Variants in ATOSA observed in about 807,000 individuals in gnomAD.
ATOSA encodes the protein atos homolog A, also known as atos homolog protein A.
At chr15:52,582,054 A>ATAAC in the ATOSA span, 1 of 926,738 alleles carries the variant, frequency 1.1e-6, no homozygotes, top group Non-Finnish European at 1.5e-6. Flanking sequence ...AACAGGAGAG[A>ATAAC]ATCCACTCTC....
the ATOSA span, among the ~76,000 whole-genome samples, chr15:52,647,025 T>A: frequency 3.9e-5 from 6 of 152,190 alleles, no homozygotes; most frequent in African/African-American, 1.4e-4. Context: ...AAAATTAGGA[T>A]ACCTATTTTT....
the ATOSA span, among the ~76,000 whole-genome samples, chr15:52,701,917 T>C: frequency 1.3e-5 from 2 of 151,920 alleles, no homozygotes; most frequent in South Asian, 2.1e-4. Flanking sequence ...CTGGGCAACA[T>C]AGCAAGACCC....
the ATOSA span, among the ~76,000 whole-genome samples, chr15:52,603,390 T>C: frequency 6.6e-6 from 1 of 152,164 alleles, no homozygotes; most frequent in African/African-American, 2.4e-5. Context: ...GAATGTAAAT[T>C]AGTACAGCTA....
chr15:52,616,109 A>G, the ATOSA span, among the ~76,000 whole-genome samples: 8 of 152,220 alleles, frequency 5.3e-5, no homozygotes, highest in African/African-American at 1.9e-4. Flanking sequence ...CACAACAACC[A>G]AATACATATT....
chr15:52,703,247 G>T, the ATOSA span, among the ~76,000 whole-genome samples: 2 of 152,134 alleles, frequency 1.3e-5, no homozygotes, highest in Non-Finnish European at 2.9e-5. Context: ...GGGCACAGGG[G>T]TAGAGGGAGG....
At chr15:52,644,653 A>C in the ATOSA span, among the ~76,000 whole-genome samples, 1 of 152,222 alleles carries the variant, frequency 6.6e-6, no homozygotes, top group Non-Finnish European at 1.5e-5. Flanking sequence ...GATAACTATT[A>C]CTTTATTCTT....
At chr15:52,687,398 C>CT in the ATOSA span, among the ~76,000 whole-genome samples, 2 of 152,124 alleles carry the variant, frequency 1.3e-5, no homozygotes, top group South Asian at 4.1e-4. Flanking sequence ...GAGCGAGACT[C>CT]CGTCTCAAAA....
the ATOSA span, chr15:52,587,339 T>C: frequency 1.2e-6 from 1 of 805,638 alleles, no homozygotes; most frequent in East Asian, 2.8e-5. Flanking sequence ...GGAAAAACAT[T>C]CATATTGAAT....
chr15:52,700,683 A>C, the ATOSA span, among the ~76,000 whole-genome samples: 8 of 152,210 alleles, frequency 5.3e-5, no homozygotes, highest in Non-Finnish European at 2.9e-5. Context: ...AGCACAATTA[A>C]AGATAATTAA....
chr15:52,653,550 T>C, the ATOSA span, among the ~76,000 whole-genome samples: 1 of 152,100 alleles, frequency 6.6e-6, no homozygotes, highest in Non-Finnish European at 1.5e-5. Context: ...AATGGCATGG[T>C]AGAGACAGTA....
At chr15:52,697,716 A>G in the ATOSA span, among the ~76,000 whole-genome samples, 1 of 152,116 alleles carries the variant, frequency 6.6e-6, no homozygotes, top group Admixed American at 6.5e-5. Flanking sequence ...TTAAAAAAAA[A>G]AGATTTCTTC....
chr15:52,635,719 C>A, the ATOSA span, among the ~76,000 whole-genome samples: 1 of 151,918 alleles, frequency 6.6e-6, no homozygotes, highest in African/African-American at 2.4e-5. Context: ...CAAAATCGGC[C>A]AGGCACAGTG....
At chr15:52,652,031 C>T in the ATOSA span, 1 of 1,499,830 alleles carries the variant, frequency 6.7e-7, no homozygotes, top group Admixed American at 2.3e-5. Flanking sequence ...GATCCCGCTT[C>T]CCTCCGTGTA....
the ATOSA span, among the ~76,000 whole-genome samples, chr15:52,637,092 C>CAGGGGT: frequency 6.6e-6 from 1 of 152,064 alleles, no homozygotes; most frequent in Non-Finnish European, 1.5e-5. Context: ...ATTGGGAGAG[C>CAGGGGT]AGGGGTAGGA....
At chr15:52,675,932 AAGAG>A in the ATOSA span, among the ~76,000 whole-genome samples, 1 of 152,070 alleles carries the variant, frequency 6.6e-6, no homozygotes, top group Admixed American at 6.6e-5. Flanking sequence ...AAGAAAAAAA[AAGAG>A]AGAAAACTTA....
the ATOSA span, among the ~76,000 whole-genome samples, chr15:52,584,407 G>A: frequency 1.3e-5 from 2 of 151,946 alleles, no homozygotes; most frequent in Admixed American, 6.6e-5. Context: ...CAAAGTGCTG[G>A]AATTACAAGG....
At chr15:52,601,224 A>T in the ATOSA span, 1 of 1,061,356 alleles carries the variant, frequency 9.4e-7, no homozygotes, top group South Asian at 1.5e-5. Flanking sequence ...TTTTTCTTGA[A>T]TTGATAAAAC....
chr15:52,634,967 T>C, the ATOSA span, among the ~76,000 whole-genome samples: 4 of 152,110 alleles, frequency 2.6e-5, no homozygotes, highest in African/African-American at 9.7e-5. Context: ...AGATATACCA[T>C]GCTAACACTA....
the ATOSA span, chr15:52,658,793 C>T: frequency 1.1e-4 from 25 of 221,610 alleles, no homozygotes; most frequent in Non-Finnish European, 1.6e-4. Flanking sequence ...AGTGAGACCT[C>T]GTTTCTACAA....
Sources: gnomAD v4.1 joint callset for allele counts (sites outside exome capture counted in the v4.1 genomes callset) on GRCh38, gnomAD v4.1.1 for gene constraint, MANE v1.5 for transcripts, NCBI Gene and HGNC (gene_info 2026-07-23, HGNC 2026-07-21) for gene names.